NRP1: variants seen among roughly 807,000 people sequenced by gnomAD.
NRP1 encodes the protein neuropilin 1, also known as neuropilin-1.
Under a neutral mutation model 106.7 loss-of-function variants are expected in NRP1, and 35 were observed. The ratio of observed to expected loss-of-function variants is 0.33; its 90% CI spans 0.25 to 0.43. The LOEUF is 0.43. Ranked by LOEUF, NRP1 falls within the 20% of genes least tolerant of loss-of-function variation. The pLI is 1.00. For synonymous variants in NRP1, 437 were observed against 417.9 expected, an observed-to-expected ratio of 1.05 and a Z score of -0.56; for missense variants, 1,024 against 1,170.4, an observed-to-expected ratio of 0.87 and a Z score of 1.83.
At chr10:33,305,970 T>TGTTG (rs1846129836) in intron 2 of NRP1, among the ~76,000 whole-genome samples, 1 of 152,052 alleles carries the variant, frequency 6.6e-6, no homozygotes, top group South Asian at 2.1e-4. Flanking sequence ...GGTTTCACCA[T>TGTTG]GTTGGCCAGG....
intron 2 of NRP1, among the ~76,000 whole-genome samples, chr10:33,276,040 T>C (rs1302592561): frequency 1.3e-5 from 2 of 152,222 alleles, no homozygotes; most frequent in Non-Finnish European, 2.9e-5. Context: ...TCAACTCTTA[T>C]TCATATGCAG....
At chr10:33,273,193 T>C (rs1843439726) in intron 2 of NRP1, among the ~76,000 whole-genome samples, 1 of 152,170 alleles carries the variant, frequency 6.6e-6, no homozygotes, top group South Asian at 2.1e-4. Flanking sequence ...TCAGGAATAC[T>C]ATAGTTACAT....
chr10:33,309,242 A>T (rs1564476220), intron 2 of NRP1, among the ~76,000 whole-genome samples: 1 of 152,162 alleles, frequency 6.6e-6, no homozygotes, highest in African/African-American at 2.4e-5. Flanking sequence ...GGCCACTACT[A>T]ATCAGTCAGA....
chr10:33,257,076 T>A (rs796539341), intron 4 of NRP1, among the ~76,000 whole-genome samples: 19 of 152,342 alleles, frequency 1.2e-4, no homozygotes, highest in African/African-American at 4.3e-4. Context: ...CAGGGCTTTA[T>A]GTGAAGACAA....
chr10:33,211,131 G>A (rs1394290818), intron 9 of NRP1: 1 of 152,196 alleles, frequency 6.6e-6, no homozygotes, highest in African/African-American at 2.4e-5. Context: ...GGCTTCTCAT[G>A]GAATTCAGTG....
intron 2 of NRP1, among the ~76,000 whole-genome samples, chr10:33,279,625 C>T (rs1433018799): frequency 6.6e-6 from 1 of 152,110 alleles, no homozygotes; most frequent in South Asian, 2.1e-4. Flanking sequence ...CCTTTTGCAG[C>T]GGCTCCTAGA....
rs532941278 is a variant in NRP1, at chr10:33,180,190, A to T, written c.2658T>A (p.Asn886Lys). The change falls in exon 17 of 17, where the codon AAT becomes AAA. Residue 886 changes from asparagine (N) to lysine (K), a missense_variant. Physicochemically the swap from Asn to Lys is moderately conservative, Grantham distance 94. Coordinates refer to ENST00000374867, the MANE Select transcript of NRP1 (RefSeq NM_003873.7). ...CAGACAAGTTTCTTTCTGACATCCCATTATGCCAACAGGCACAGTACAGCA... is the reference window on the plus strand; with the variant it reads ...CAGACAAGTTTCTTTCTGACATCCCTTTATGCCAACAGGCACAGTACAGCA... ...GVVLYCACWH[N>K]GMSERNLSAL... The T allele has an allele frequency of 6.2e-7, 1 of 1,614,116 alleles. No homozygotes were observed. Among genetic ancestry groups the T allele is most frequent in the East Asian group, 2.2e-5 (1 of 44,880 alleles).
chr10:33,233,453 A>G (rs1588795391), intron 6 of NRP1, among the ~76,000 whole-genome samples: 1 of 152,240 alleles, frequency 6.6e-6, no homozygotes, highest in East Asian at 1.9e-4. Context: ...CAGCATGTGT[A>G]GTAAATCATG....
intron 11 of NRP1, among the ~76,000 whole-genome samples, chr10:33,198,841 A>G (rs1440314828): frequency 6.6e-6 from 1 of 152,178 alleles, no homozygotes; most frequent in Non-Finnish European, 1.5e-5. Flanking sequence ...GGTTTGGAGA[A>G]GCTGCAGGAA....
intron 2 of NRP1, among the ~76,000 whole-genome samples, chr10:33,271,931 A>G (rs773800195): frequency 6.6e-6 from 1 of 152,248 alleles, no homozygotes; most frequent in Non-Finnish European, 1.5e-5. Flanking sequence ...TGAAAACATT[A>G]CAAGGCATTC....
chr10:33,183,730 TG>T (rs1228089994), intron 15 of NRP1, among the ~76,000 whole-genome samples: 2 of 152,246 alleles, frequency 1.3e-5, no homozygotes, highest in Non-Finnish European at 1.5e-5. Context: ...TATGTATGAA[TG>T]AATGAAAGAT....
chr10:33,275,844 A>G (rs1210496336), intron 2 of NRP1, among the ~76,000 whole-genome samples: 1 of 152,036 alleles, frequency 6.6e-6, no homozygotes, highest in East Asian at 1.9e-4. Flanking sequence ...CAGGAGTCTG[A>G]GACTGCAGTG....
chr10:33,273,694 T>A (rs1346950768), intron 2 of NRP1, among the ~76,000 whole-genome samples: 1 of 152,176 alleles, frequency 6.6e-6, no homozygotes, highest in Non-Finnish European at 1.5e-5. Context: ...TCACTCCCTG[T>A]GTTCCAGCCG....
At chr10:33,278,168 C>T (rs1005605879) in intron 2 of NRP1, among the ~76,000 whole-genome samples, 18 of 152,068 alleles carry the variant, frequency 1.2e-4, no homozygotes, top group Non-Finnish European at 2.1e-4. Context: ...CAAGCACTTA[C>T]GACTTATTAG....
chr10:33,185,743 T>A lies in NRP1; in HGVS notation c.2335-19A>T. 1 of 1,594,630 alleles carries A rather than the reference T, an allele frequency of 6.3e-7. No homozygotes were observed. ...AAATCACCTAACAAAATAAGATCATTTTCACAGTATTGAAATGCTCATCTC... is the reference window on the plus strand; with the variant it reads ...AAATCACCTAACAAAATAAGATCATATTCACAGTATTGAAATGCTCATCTC... On this transcript the variant is annotated intron_variant, in intron 14 of 16. Transcript: ENST00000374867.
intron 8 of NRP1, among the ~76,000 whole-genome samples, chr10:33,218,551 T>C (rs560747901): frequency 1.2e-4 from 19 of 152,204 alleles, no homozygotes; most frequent in Middle Eastern, 3.4e-3. Flanking sequence ...TTCACTGTGT[T>C]AGCCAGGATG....
chr10:33,254,601 GA>G (rs1842078356), intron 5 of NRP1, among the ~76,000 whole-genome samples: 1 of 152,068 alleles, frequency 6.6e-6, no homozygotes, highest in South Asian at 2.1e-4. Context: ...GAAGAGAATT[GA>G]AAAAAGACTC....
At chr10:33,217,545 C>T (rs540003127) in intron 8 of NRP1, among the ~76,000 whole-genome samples, 3 of 152,268 alleles carry the variant, frequency 2.0e-5, no homozygotes, top group East Asian at 3.9e-4. Context: ...CAGGTCAGCC[C>T]GGTGCAGGTC....
At chr10:33,291,074 C>T (rs564240969) in intron 2 of NRP1, among the ~76,000 whole-genome samples, 22 of 152,086 alleles carry the variant, frequency 1.4e-4, no homozygotes, top group Admixed American at 5.2e-4. Context: ...TCATTGGGTG[C>T]TTTTATAAAT....
Sources: allele counts gnomAD v4.1 joint callset (sites outside exome capture counted in the v4.1 genomes callset), GRCh38; gene constraint gnomAD v4.1.1; transcripts MANE v1.5; gene names NCBI Gene and HGNC (gene_info 2026-07-23, HGNC 2026-07-21).